Variants in GRIP1 observed in about 807,000 individuals in gnomAD.
GRIP1 encodes glutamate receptor-interacting protein 1.
In GRIP1, 45 loss-of-function variants were observed where a neutral mutation model predicts 129.9. The ratio of observed to expected loss-of-function variants is 0.35; its 90% CI spans 0.27 to 0.44. The LOEUF (loss-of-function observed/expected upper bound fraction) is 0.44. Among genes scored for constraint, GRIP1 ranks in the 20% least tolerant of loss-of-function variants. The pLI, the probability that GRIP1 is intolerant of heterozygous loss-of-function variation, is 1.00. For synonymous variants in GRIP1, 530 were observed against 520.8 expected (o/e 1.02, Z -0.24); for missense variants, 1,196 against 1,396.8 (o/e 0.86, Z 2.29).
intron 1 of GRIP1, among the ~76,000 whole-genome samples, chr12:66,844,773 T>C (rs2039783863): frequency 6.6e-6 from 1 of 152,210 alleles, no homozygotes; most frequent in East Asian, 1.9e-4. Context: ...GAAATATTAT[T>C]CAGCCTTAAG....
chr12:66,730,346 C>A (rs1592785796), intron 1 of GRIP1, among the ~76,000 whole-genome samples: 1 of 152,116 alleles, frequency 6.6e-6, no homozygotes, highest in Non-Finnish European at 1.5e-5. Context: ...CAAATTGTTT[C>A]ATAAATAGCT....
intron 1 of GRIP1, among the ~76,000 whole-genome samples, chr12:66,734,805 T>G (rs1456812186): frequency 1.3e-5 from 2 of 152,156 alleles, no homozygotes; most frequent in East Asian, 3.8e-4. Context: ...ATTAGGAAAT[T>G]CATTCTTAAA....
chr12:66,813,640 G>T (rs550018589), intron 1 of GRIP1, among the ~76,000 whole-genome samples: 1 of 152,314 alleles, frequency 6.6e-6, no homozygotes, highest in East Asian at 1.9e-4. Context: ...AACCAAAGGT[G>T]TGGGGGCAGT....
chr12:66,455,659 G>A lies in GRIP1; in HGVS notation c.1199-95C>T, dbSNP rs1592355822. On this transcript the variant is annotated intron_variant, in intron 10 of 24. Transcript: ENST00000359742. ...AGTAACAATCCAGAAAGACACACAT[G>A]ATGCATAGCAATGGCTAGGAAGGAC... 4.4e-6 allele frequency: 5 copies of A among 1,139,064 alleles called. No individual in the cohort carries two copies. The East Asian group carries it at 1.2e-4, about 27-fold the overall frequency. 70.6% of individuals were successfully genotyped at this position (1,139,064 alleles called of 1,614,324 possible). A position where few individuals can be genotyped will look rare whatever the true frequency, so the allele number is the denominator to read the frequency against.
intron 1 of GRIP1, among the ~76,000 whole-genome samples, chr12:66,831,432 C>A (rs771529380): frequency 6.6e-6 from 1 of 152,174 alleles, no homozygotes; most frequent in Non-Finnish European, 1.5e-5. Context: ...CTCTTGTCAG[C>A]CCAAGATTGA....
chr12:66,847,355 T>TA (rs2039836009), intron 1 of GRIP1, among the ~76,000 whole-genome samples: 1 of 152,134 alleles, frequency 6.6e-6, no homozygotes, highest in South Asian at 2.1e-4. Flanking sequence ...TTGCTTCCTC[T>TA]AGCCACAGAC....
Position 66,582,629 on chromosome 12 carries a change from C to T in GRIP1, c.136+14218G>A, listed in dbSNP as rs1042775192. ...CACCAATAACAGACAAACAGAGAGC[C>T]AAATCATGAGTGAACTCCCATTCAC... On this transcript the variant is annotated intron_variant, in intron 2 of 24. Coordinates refer to ENST00000359742, the MANE Select transcript of GRIP1 (RefSeq NM_001366722.1). Among the ~76,000 whole-genome samples, 116 of 138,078 alleles carry T rather than the reference C, an allele frequency of 8.4e-4. 10 individuals are homozygous for T. In the Middle Eastern group the frequency reaches 0.021, roughly 25 times the overall value. The allele number at this position is 138,078 out of a possible 152,430, so 90.6% of individuals were successfully genotyped here.
intron 5 of GRIP1, among the ~76,000 whole-genome samples, chr12:66,521,998 C>G (rs139403617): frequency 8.5e-5 from 13 of 152,322 alleles, no homozygotes; most frequent in African/African-American, 2.9e-4. Flanking sequence ...AACAAAGCAG[C>G]TGGGAAGCTC....
At chr12:66,950,388 G>A (rs2041738164) in intron 1 of GRIP1, among the ~76,000 whole-genome samples, 1 of 151,956 alleles carries the variant, frequency 6.6e-6, no homozygotes, top group African/African-American at 2.4e-5. Context: ...CAAAAACATT[G>A]TTTTTGTAGT....
chr12:66,924,100 C>T (rs2041257370), intron 1 of GRIP1, among the ~76,000 whole-genome samples: 1 of 152,190 alleles, frequency 6.6e-6, no homozygotes, highest in Non-Finnish European at 1.5e-5. Flanking sequence ...CCCCCTCGGC[C>T]TCCCAAAGTG....
At chr12:66,355,204 C>T (rs1296053660) in intron 23 of GRIP1, among the ~76,000 whole-genome samples, 2 of 152,176 alleles carry the variant, frequency 1.3e-5, no homozygotes, top group East Asian at 3.8e-4. Flanking sequence ...CACGCTCATT[C>T]CATCATTGTG....
chr12:66,529,888 G>C lies in GRIP1; in HGVS notation c.445C>G (p.Arg149Gly). Residue 149 changes from arginine to glycine, a missense_variant, in exon 5 of 25, where the codon CGA becomes GGA. Physicochemically the swap from Arg to Gly is moderately radical, Grantham distance 125. Around this residue, in one of 5 missense-constraint regions of GRIP1, gnomAD observed 217 missense variants for 224.8 expected, o/e 0.97. Transcript: ENST00000359742. ...TTATGTAATGTGACCTCCACTGTTC[G>C]GAAAATAACACTTGATCCTTGCACA... ...VSVQGSSVIFRTVEVTLHKEG... is the reference protein window; with the variant it reads ...VSVQGSSVIFGTVEVTLHKEG... 6.2e-7 allele frequency: 1 copy of C among 1,601,594 alleles called. No homozygotes were observed.
At chr12:66,747,597 C>A (rs1187074264) in intron 1 of GRIP1, among the ~76,000 whole-genome samples, 1 of 152,068 alleles carries the variant, frequency 6.6e-6, no homozygotes, top group Non-Finnish European at 1.5e-5. Context: ...CACAATAGCA[C>A]ACAAAGTAAG....
intron 11 of GRIP1, among the ~76,000 whole-genome samples, chr12:66,449,200 A>C (rs2058709141): frequency 6.6e-6 from 1 of 152,206 alleles, no homozygotes; most frequent in Admixed American, 6.5e-5. Flanking sequence ...TGAGTTTTTG[A>C]AAGGTTGGAA....
intron 23 of GRIP1, among the ~76,000 whole-genome samples, chr12:66,358,789 C>CT (rs1164764024): frequency 3.3e-5 from 5 of 152,100 alleles, no homozygotes; most frequent in Non-Finnish European, 5.9e-5. Context: ...CTCCATGCTG[C>CT]TTTCTCAAAG....
intron 1 of GRIP1, among the ~76,000 whole-genome samples, chr12:66,604,182 G>A (rs1201271118): frequency 2.0e-5 from 3 of 152,152 alleles, no homozygotes; most frequent in East Asian, 3.9e-4. Context: ...GATGGCCCCG[G>A]AGCATCTGGA....
At chr12:67,028,863 T>C (rs1194332108) in intron 1 of GRIP1, among the ~76,000 whole-genome samples, 2 of 152,166 alleles carry the variant, frequency 1.3e-5, no homozygotes, top group Non-Finnish European at 2.9e-5. Context: ...AGAACACTGG[T>C]TATAAAATTT....
chr12:66,756,078 G>C (rs1418207569), intron 1 of GRIP1, among the ~76,000 whole-genome samples: 8 of 152,130 alleles, frequency 5.3e-5, no homozygotes, highest in African/African-American at 1.9e-4. Flanking sequence ...CCTTATTTAA[G>C]TGTACAGACC....
intron 1 of GRIP1, among the ~76,000 whole-genome samples, chr12:66,790,172 G>A (rs188755683): frequency 1.3e-5 from 2 of 152,146 alleles, no homozygotes; most frequent in African/African-American, 4.8e-5. Context: ...TTAGGGAAAA[G>A]ATATCAACAA....
Sources: gnomAD v4.1 joint callset for allele counts (sites outside exome capture counted in the v4.1 genomes callset) on GRCh38, gnomAD v4.1.1 for gene constraint, gnomAD v4.1.1 regional missense constraint, MANE v1.5 for transcripts, NCBI Gene and HGNC (gene_info 2026-07-23, HGNC 2026-07-21) for gene names.